Variants in C3orf20 observed in about 807,000 individuals in gnomAD.
C3orf20 encodes family with sequence similarity 149 member C, also known as uncharacterized protein C3orf20.
A neutral mutation model predicts 88.3 loss-of-function variants in C3orf20; 76 were observed. The observed-to-expected ratio is 0.86, with a 90% CI of 0.72 to 1.04. The LOEUF (loss-of-function observed/expected upper bound fraction) is 1.04. Ranked by LOEUF, C3orf20 falls within the 50% of genes least tolerant of loss-of-function variation. C3orf20 has a pLI of 0.00. For missense variants in C3orf20, 1,056 were observed against 1,123.3 expected (o/e 0.94, Z 0.86); for synonymous variants, 436 against 437.4 (o/e 1.00, Z 0.04).
Position 14,768,521 on chromosome 3 carries a change from C to G in C3orf20, c.2496-3546C>G, listed in dbSNP as rs1175651049. Among the ~76,000 whole-genome samples the G allele has an allele frequency of 2.0e-5, 3 of 152,034 alleles. No individual in the cohort carries two copies. The highest frequency in any genetic ancestry group is 4.4e-5 in the Non-Finnish European group (3 of 68,036). Reference sequence around the variant, plus strand: ...ATGAAGGTTCTTGAGCTGAGAGAGACTTGATCAGAGTTGGGCTTTAGACTC... The same window carrying G: ...ATGAAGGTTCTTGAGCTGAGAGAGAGTTGATCAGAGTTGGGCTTTAGACTC... On this transcript the variant is annotated intron_variant, in intron 15 of 16. Coordinates refer to ENST00000253697, the MANE Select transcript of C3orf20 (RefSeq NM_032137.5). This position sits in a 1 kb window ranked among gnomAD's most constrained non-coding sequence, Gnocchi z 4.1.
At chr3:14,714,594 G>GTTTTGT (rs1315290981) in intron 8 of C3orf20, among the ~76,000 whole-genome samples, 1 of 151,940 alleles carries the variant, frequency 6.6e-6, no homozygotes, top group Non-Finnish European at 1.5e-5. Context: ...TTTCTTTTTT[G>GTTTTGT]TTTTGTTTTT....
chr3:14,752,978 C>T (rs956794785), intron 12 of C3orf20, among the ~76,000 whole-genome samples: 70 of 152,080 alleles, frequency 4.6e-4, no homozygotes, highest in African/African-American at 1.6e-3. Flanking sequence ...CCCAGCAATC[C>T]GATTACTGGG....
At chr3:14,683,543 G>C (rs2032226105) in intron 3 of C3orf20, among the ~76,000 whole-genome samples, 2 of 152,128 alleles carry the variant, frequency 1.3e-5, no homozygotes, top group Admixed American at 1.3e-4. Flanking sequence ...GAAGTAGCCA[G>C]ACAGAGCCCA....
rs1441229825 is a variant in C3orf20, at chr3:14,757,578, C to G, written c.2148C>G (p.Ile716Met). The G allele has an allele frequency of 6.2e-7, 1 of 1,613,954 alleles. No individual in the cohort carries two copies. Among genetic ancestry groups the G allele is most frequent in the Non-Finnish European group, 8.5e-7 (1 of 1,180,010 alleles). The change falls in exon 13 of 17, where the codon ATC (isoleucine) becomes ATG (methionine). Residue 716 changes from isoleucine (I) to methionine (M), a missense_variant. Physicochemically the swap from Ile to Met is conservative, Grantham distance 10 (BLOSUM62 1). Coordinates refer to ENST00000253697, the MANE Select transcript of C3orf20 (RefSeq NM_032137.5). ...DPSQVLVFGI[I>M]SSQNYTSTGQ... ...GCCAAGTGCTGGTGTTTGGGATCAT[C>G]TCAAGCCAGAACTACACCAGCACTG...
At chr3:14,693,281 C>T (rs13320847) in intron 5 of C3orf20, among the ~76,000 whole-genome samples, 49,474 of 151,904 alleles carry the variant, frequency 0.33, 8,334 homozygotes, top group African/African-American at 0.38. Flanking sequence ...ATTTTGATAG[C>T]GATTGCATTA....
intron 7 of C3orf20, among the ~76,000 whole-genome samples, chr3:14,706,984 T>G (rs138581131): frequency 0.051 from 7,759 of 152,052 alleles, 642 homozygotes; most frequent in African/African-American, 0.17. Flanking sequence ...GCGTGGTGGC[T>G]CGTGCCTGTA....
intron 12 of C3orf20, among the ~76,000 whole-genome samples, chr3:14,748,120 G>T (rs557658957): frequency 9.2e-5 from 14 of 151,846 alleles, no homozygotes; most frequent in Non-Finnish European, 1.5e-4. Flanking sequence ...TTCTTGGGGG[G>T]TTTTTGATTA....
intron 11 of C3orf20, 101 bp from the exon 12 acceptor site, chr3:14,728,338 G>A: frequency 7.0e-7 from 1 of 1,430,368 alleles, no homozygotes; most frequent in South Asian, 1.3e-5. Context: ...GGGAGGAGAT[G>A]GGGGTGAGCC....
chr3:14,755,895 G>T (rs964113608), intron 12 of C3orf20, among the ~76,000 whole-genome samples: 1 of 151,832 alleles, frequency 6.6e-6, no homozygotes, highest in Non-Finnish European at 1.5e-5. Flanking sequence ...CAGGCGTGGT[G>T]GTGGGCGCCT....
chr3:14,723,146 G>A (rs1575126557), intron 10 of C3orf20, among the ~76,000 whole-genome samples: 1 of 152,222 alleles, frequency 6.6e-6, no homozygotes, highest in East Asian at 1.9e-4. Flanking sequence ...TCCTGGTTTG[G>A]ATGATAGATT....
chr3:14,720,252 G>A (rs763761585), intron 9 of C3orf20, among the ~76,000 whole-genome samples: 1 of 152,090 alleles, frequency 6.6e-6, no homozygotes, highest in Non-Finnish European at 1.5e-5. Flanking sequence ...GGATGGTCTC[G>A]ATCTCCTGAC....
At chr3:14,696,443 G>A (rs1470154589) in intron 5 of C3orf20, among the ~76,000 whole-genome samples, 3 of 151,258 alleles carry the variant, frequency 2.0e-5, no homozygotes, top group Non-Finnish European at 4.4e-5. Context: ...TCAGGCTGCA[G>A]TGCGGTGGCA....
chr3:14,695,081 A>G (rs970290192), intron 5 of C3orf20, among the ~76,000 whole-genome samples: 2 of 152,162 alleles, frequency 1.3e-5, no homozygotes, highest in African/African-American at 2.4e-5. Flanking sequence ...GTAAGCCACC[A>G]TGCCTGGGCT....
chr3:14,757,681 C>A lies in C3orf20; in HGVS notation c.2244+7C>A. 1 of 1,606,622 alleles carries A rather than the reference C, an allele frequency of 6.2e-7. No individual in the cohort carries two copies. The highest frequency in any genetic ancestry group is 1.1e-5 in the South Asian group (1 of 90,572). On this transcript the variant is annotated splice_region_variant and intron_variant, in intron 13 of 16. Coordinates refer to ENST00000253697, the MANE Select transcript of C3orf20 (RefSeq NM_032137.5). Reference sequence around the variant, plus strand: ...TGGCTCCCCCTGCATCCAGGTTGGTCTGGGCCCAGTGAGGAGGCCCTGGAG... The same window carrying A: ...TGGCTCCCCCTGCATCCAGGTTGGTATGGGCCCAGTGAGGAGGCCCTGGAG...
rs201581250 is a variant in C3orf20, at chr3:14,759,926, C to A, written c.2280C>A (p.Asp760Glu). The A allele has an allele frequency of 7.7e-5, 125 of 1,614,148 alleles. No individual in the cohort carries two copies. In the Middle Eastern group the frequency reaches 3.6e-3, roughly 47 times the overall value. ...RYDSYRLLQY[D>E]LDSPLQEDPP... ...ACTCCTACCGCCTGCTGCAGTATGA[C>A]CTGGACAGCCCCCTGCAGGAGGACC... Residue 760 changes from aspartate to glutamate, a missense_variant, in exon 14 of 17, where the codon GAC becomes GAA. Physicochemically the swap from Asp to Glu is conservative, Grantham distance 45. Transcript: ENST00000253697.
chr3:14,760,811 T>C (rs1215445705), intron 14 of C3orf20, among the ~76,000 whole-genome samples: 1 of 152,092 alleles, frequency 6.6e-6, no homozygotes, highest in Non-Finnish European at 1.5e-5. Context: ...GGTTTCACCA[T>C]ACTGGCCAGG....
At chr3:14,762,451 G>A (rs2035589826) in intron 15 of C3orf20, among the ~76,000 whole-genome samples, 3 of 152,222 alleles carry the variant, frequency 2.0e-5, no homozygotes, top group African/African-American at 7.2e-5. Flanking sequence ...TGCTTTAGGG[G>A]AACATGAGCA....
At chr3:14,714,877 G>A (rs1171854572) in intron 8 of C3orf20, among the ~76,000 whole-genome samples, 1 of 152,230 alleles carries the variant, frequency 6.6e-6, no homozygotes, top group Non-Finnish European at 1.5e-5. Context: ...AAAGTGCTGG[G>A]ATTACAGGCA....
Position 14,689,981 on chromosome 3 carries a change from C to G in C3orf20, c.626-16C>G, listed in dbSNP as rs751178198. ...GTAAACAGTTGAAAGAAGAATCTCT[C>G]TCTCTCCCACTCCAGAGTCCCTCGC... is the stretch of plus-strand genomic sequence containing the variant. On this transcript the variant is annotated splice_polypyrimidine_tract_variant and intron_variant, in intron 4 of 16. Coordinates refer to ENST00000253697, the MANE Select transcript of C3orf20 (RefSeq NM_032137.5). 3.7e-6 allele frequency: 6 copies of G among 1,613,928 alleles called. No homozygotes were observed. Among genetic ancestry groups the G allele is most frequent in the Middle Eastern group, 1.6e-4 (1 of 6,082 alleles).
Sources: allele counts gnomAD v4.1 joint callset (sites outside exome capture counted in the v4.1 genomes callset), GRCh38; gene constraint gnomAD v4.1.1; non-coding constraint Gnocchi (gnomAD v3.1); transcripts MANE v1.5; gene names NCBI Gene and HGNC (gene_info 2026-07-23, HGNC 2026-07-21).